Variants in MGAT5 observed in about 807,000 individuals in gnomAD.
The protein encoded by MGAT5 is alpha-1,6-mannosylglycoprotein 6-beta-N-acetylglucosaminyltransferase A.
A neutral mutation model predicts 94.3 loss-of-function variants in MGAT5; 30 were observed. The observed-to-expected ratio is 0.32, with a 90% CI of 0.24 to 0.43. MGAT5 has a LOEUF of 0.43. MGAT5 is among the 20% of genes least tolerant of loss of function. MGAT5 has a pLI of 1.00. For synonymous variants in MGAT5, 310 were observed against 322.9 expected (o/e 0.96, Z 0.43); for missense variants, 691 against 905.5 (o/e 0.76, Z 3.04).
chr2:134,183,825 T>G lies in MGAT5; in HGVS notation c.-143+63534T>G, dbSNP rs546661411. On this transcript the variant is annotated intron_variant, in intron 1 of 16. Coordinates refer to the MGAT5 transcript ENST00000409645. Reference sequence around the variant, plus strand: ...GAGCAAGGCGGCCAAGTTTGGAGCTTGATGTGGCTTCCATTGAGGTGTTAC... The same window carrying G: ...GAGCAAGGCGGCCAAGTTTGGAGCTGGATGTGGCTTCCATTGAGGTGTTAC... 1.1e-4 allele frequency among the ~76,000 whole-genome samples: 16 copies of G among 152,368 alleles called. No individual in the cohort carries two copies. In the East Asian group the frequency reaches 1.2e-3, roughly 11 times the overall value.
At chr2:134,429,058 A>G (rs1018407840) in intron 14 of MGAT5, among the ~76,000 whole-genome samples, 2 of 152,232 alleles carry the variant, frequency 1.3e-5, no homozygotes, top group African/African-American at 4.8e-5. Context: ...TTCAAAAGCA[A>G]CACAGAGCTA....
At chr2:134,408,607 A>G (rs554020073) in intron 11 of MGAT5, among the ~76,000 whole-genome samples, 1 of 152,232 alleles carries the variant, frequency 6.6e-6, no homozygotes, top group East Asian at 1.9e-4. Context: ...GCTCTTCCCT[A>G]GAGAGTCTTC....
rs937591555 is a variant in MGAT5, at chr2:134,452,411, A to G, written c.*3564A>G. ...GAGAAGAAATACTTTAGCATCATGA[A>G]AGGGAAAGAACGTGCACCCCTTTTT... On this transcript the variant is annotated 3_prime_UTR_variant, in exon 16 of 16. Coordinates refer to ENST00000281923, the MANE Select transcript of MGAT5 (RefSeq NM_002410.5). 1.2e-4 allele frequency: 18 copies of G among 152,232 alleles called. No homozygotes were observed. The highest frequency in any genetic ancestry group is 2.4e-4 in the Non-Finnish European group (16 of 68,038). The allele number at this position is 152,232 out of a possible 1,614,324, so 9.4% of individuals were successfully genotyped here.
chr2:134,296,213 T>C (rs1164795284), intron 2 of MGAT5, among the ~76,000 whole-genome samples: 1 of 152,122 alleles, frequency 6.6e-6, no homozygotes, highest in African/African-American at 2.4e-5. Flanking sequence ...GTCAGAGAAT[T>C]GGGGATGGAC....
In MGAT5 at chr2:134,454,484, TTAAG is replaced by T. The variant is rs1171716682; in HGVS notation, c.*5641_*5644del. On this transcript the variant is annotated 3_prime_UTR_variant, in exon 16 of 16. Transcript: ENST00000281923. ...CATTTTGTGTGATTCACTTCGGGGG[TTAAG>T]TAATGCAGGATTCTGCAAACAAGGT... is the stretch of plus-strand genomic sequence containing the variant. 7.2e-5 allele frequency: 11 copies of T among 152,198 alleles called. No individual in the cohort carries two copies. Among genetic ancestry groups the T allele is most frequent in the African/African-American group, 1.4e-4 (6 of 41,444 alleles). 9.4% of individuals were successfully genotyped at this position (152,198 alleles called of 1,614,324 possible). A position where few individuals can be genotyped will look rare whatever the true frequency, so the allele number is the denominator to read the frequency against.
At chr2:134,174,626 G>C (rs189148090) in intron 1 of MGAT5, among the ~76,000 whole-genome samples, 1 of 152,344 alleles carries the variant, frequency 6.6e-6, no homozygotes, top group East Asian at 1.9e-4. Flanking sequence ...CATCAAAGAC[G>C]AATAATTTGA....
intron 2 of MGAT5, among the ~76,000 whole-genome samples, chr2:134,304,801 A>G (rs1405848819): frequency 1.3e-5 from 2 of 152,158 alleles, no homozygotes; most frequent in Non-Finnish European, 2.9e-5. Flanking sequence ...GTCTCAACCT[A>G]CTGGGCACAA....
At position 134,413,002 on chromosome 2, in the gene MGAT5, C is replaced by A; in HGVS notation, c.1664C>A (p.Pro555Gln). Residue 555 changes from proline to glutamine, a missense_variant, in exon 12 of 16, where the codon CCA (proline) becomes CAA (glutamine). By Grantham distance (76) the Pro-to-Gln change is moderately conservative. This residue lies in a region of MGAT5 where 260 missense variants were observed against 347.0 expected (regional missense o/e 0.75). Coordinates refer to ENST00000281923, the MANE Select transcript of MGAT5 (RefSeq NM_002410.5). ...SKNTDFFIGKPTLRELTSQHP... is the reference protein window; with the variant it reads ...SKNTDFFIGKQTLRELTSQHP... ...AACACAGACTTTTTCATTGGCAAGC[C>A]AACTCTGAGAGAGGTAAGCATCTAT... 6.2e-7 allele frequency: 1 copy of A among 1,614,066 alleles called. No individual in the cohort carries two copies. The highest frequency in any genetic ancestry group is 8.5e-7 in the Non-Finnish European group (1 of 1,179,980).
intron 1 of MGAT5, among the ~76,000 whole-genome samples, chr2:134,261,036 G>A (rs1355101412): frequency 3.3e-5 from 5 of 152,080 alleles, no homozygotes; most frequent in East Asian, 1.9e-4. Context: ...TCACAAGCAC[G>A]CCCAGGCCAG....
At chr2:134,301,369 C>A (rs1185817495) in intron 2 of MGAT5, among the ~76,000 whole-genome samples, 3 of 152,030 alleles carry the variant, frequency 2.0e-5, no homozygotes, top group Non-Finnish European at 4.4e-5. Context: ...GTAGTAGATT[C>A]TATTGCTCTG....
At chr2:134,244,305 G>GT (rs530595590) in intron 1 of MGAT5, among the ~76,000 whole-genome samples, 9,383 of 142,768 alleles carry the variant, frequency 0.066, 853 homozygotes, top group African/African-American at 0.21. Flanking sequence ...AGCGTTTTTT[G>GT]TTTTTTTTTT....
intron 12 of MGAT5, among the ~76,000 whole-genome samples, chr2:134,416,126 T>A (rs1225262838): frequency 6.6e-6 from 1 of 152,258 alleles, no homozygotes; most frequent in East Asian, 1.9e-4. Context: ...ATATACAACA[T>A]AAAACTTACC....
rs912983981 is a variant in MGAT5 at position 134,189,602 on chromosome 2, G to GTTTTTTT, written c.-142-64648_-142-64642dup. 2.7e-4 allele frequency among the ~76,000 whole-genome samples: 23 copies of GTTTTTTT among 84,622 alleles called. 4 individuals are homozygous for GTTTTTTT. Among genetic ancestry groups the GTTTTTTT allele is most frequent in the Non-Finnish European group, 3.4e-4 (15 of 43,558 alleles). The allele number at this position is 84,622 out of a possible 152,430, so 55.5% of individuals were successfully genotyped here. A position where few individuals can be genotyped will look rare whatever the true frequency, so the allele number is the denominator to read the frequency against. ...AACCTCATGGCTCTAGTTTTTTTTT[G>GTTTTTTT]TTTTTTTTTTTTTTTTTTAAGACAG... On this transcript the variant is annotated intron_variant, in intron 1 of 16. Coordinates refer to the MGAT5 transcript ENST00000409645.
intron 1 of MGAT5, among the ~76,000 whole-genome samples, chr2:134,264,638 ACT>A (rs78693306): frequency 0.14 from 21,909 of 152,130 alleles, 2,546 homozygotes; most frequent in East Asian, 0.36. Context: ...CATTACTGTA[ACT>A]CTATTATCTT....
intron 1 of MGAT5, among the ~76,000 whole-genome samples, chr2:134,247,437 T>C (rs1216985494): frequency 6.7e-6 from 1 of 149,298 alleles, no homozygotes; most frequent in Non-Finnish European, 1.5e-5. Context: ...AAGGTGGAAA[T>C]TTGAAGTTCA....
chr2:134,423,051 C>T (rs1401857417), intron 13 of MGAT5, 132 bp downstream of exon 13: 1 of 639,730 alleles, frequency 1.6e-6, no homozygotes, highest in African/African-American at 1.8e-5. Flanking sequence ...AGAAAATAAC[C>T]AAGCTGCAGG....
intron 11 of MGAT5, among the ~76,000 whole-genome samples, chr2:134,407,327 CA>C (rs1384285666): frequency 2.0e-5 from 3 of 152,176 alleles, no homozygotes; most frequent in Non-Finnish European, 4.4e-5. Flanking sequence ...TCCTAGTGAG[CA>C]TACTTCAAGT....
chr2:134,134,473 C>G (rs1558949867), intron 1 of MGAT5, among the ~76,000 whole-genome samples: 2 of 152,186 alleles, frequency 1.3e-5, no homozygotes, highest in Admixed American at 1.3e-4. Flanking sequence ...CTCCTCCCTG[C>G]CTATTCTGCT....
intron 10 of MGAT5, among the ~76,000 whole-genome samples, chr2:134,388,327 C>T (rs1682159081): frequency 6.6e-6 from 1 of 152,142 alleles, no homozygotes; most frequent in South Asian, 2.1e-4. Flanking sequence ...CATGTTTCCT[C>T]CTTATCTGCC....
Sources: gnomAD v4.1 joint callset for allele counts (sites outside exome capture counted in the v4.1 genomes callset) on GRCh38, gnomAD v4.1.1 for gene constraint, gnomAD v4.1.1 regional missense constraint, MANE v1.5 for transcripts, NCBI Gene and HGNC (gene_info 2026-07-23, HGNC 2026-07-21) for gene names.